ASIC2: variants seen among roughly 807,000 people sequenced by gnomAD.
ASIC2 encodes the protein acid sensing ion channel subunit 2.
ASIC2 carries 25 observed loss-of-function variants against 57.3 expected under a neutral mutation model. The ratio of observed to expected loss-of-function variants is 0.44; its 90% CI spans 0.32 to 0.61. The LOEUF is 0.61. ASIC2 is among the 20% of genes least tolerant of loss of function. ASIC2 has a pLI of 0.06. For missense variants in ASIC2, 641 were observed against 738.1 expected, an observed-to-expected ratio of 0.87 and a Z score of 1.52; for synonymous variants, 319 against 307.5, an observed-to-expected ratio of 1.04 and a Z score of -0.39.
chr17:33,897,970 T>A (rs925026826), intron 1 of ASIC2, among the ~76,000 whole-genome samples: 12 of 152,194 alleles, frequency 7.9e-5, no homozygotes, highest in African/African-American at 2.9e-4. Flanking sequence ...GAACTAGTTA[T>A]CCTCAAACTG....
At chr17:33,923,526 G>C (rs1915753580) in intron 1 of ASIC2, among the ~76,000 whole-genome samples, 1 of 152,224 alleles carries the variant, frequency 6.6e-6, no homozygotes, top group African/African-American at 2.4e-5. Flanking sequence ...GCTGAACTCA[G>C]AATGCACAGC....
chr17:33,126,813 A>G (rs1335014395), intron 1 of ASIC2, among the ~76,000 whole-genome samples: 1 of 147,792 alleles, frequency 6.8e-6, no homozygotes, highest in Non-Finnish European at 1.5e-5. Flanking sequence ...ATTGAGACTT[A>G]TGCCACATGT....
intron 1 of ASIC2, among the ~76,000 whole-genome samples, chr17:33,799,415 CTTTCTTTCTTTCTTCTTTCTT>C: frequency 1.5e-5 from 1 of 64,786 alleles, no homozygotes; most frequent in South Asian, 4.2e-4. Context: ...TTCTTTCTTT[CTTTCTTTCTTTCTTCTTTCTT>C]TCTTTCTTTC....
At chr17:34,044,100 T>TCACACACACACA (rs542633112) in intron 1 of ASIC2, among the ~76,000 whole-genome samples, 1 of 146,272 alleles carries the variant, frequency 6.8e-6, no homozygotes, top group African/African-American at 2.6e-5. Context: ...TACCCTTGAA[T>TCACACACACACA]CACACACACA....
chr17:33,720,725 A>G (rs984622148), intron 1 of ASIC2, among the ~76,000 whole-genome samples: 1 of 152,248 alleles, frequency 6.6e-6, no homozygotes, highest in African/African-American at 2.4e-5. Flanking sequence ...GCGGTTCAAT[A>G]AACATCCAAC....
intron 1 of ASIC2, among the ~76,000 whole-genome samples, chr17:33,632,161 T>A (rs975332455): frequency 6.6e-6 from 1 of 152,164 alleles, no homozygotes; most frequent in Non-Finnish European, 1.5e-5. Flanking sequence ...GATGATAATA[T>A]TTACCACAGA....
intron 1 of ASIC2, among the ~76,000 whole-genome samples, chr17:34,150,064 G>A (rs970801017): frequency 2.6e-5 from 4 of 152,184 alleles, no homozygotes; most frequent in Non-Finnish European, 4.4e-5. Flanking sequence ...CTTTAAAAAG[G>A]AAGAAAATCC....
At chr17:33,617,038 T>G (rs1040240208) in intron 1 of ASIC2, among the ~76,000 whole-genome samples, 6 of 152,216 alleles carry the variant, frequency 3.9e-5, no homozygotes, top group African/African-American at 1.4e-4. Context: ...GTTTAAAACA[T>G]TAAAGAGGCT....
chr17:33,802,187 A>G (rs999789626), intron 1 of ASIC2, among the ~76,000 whole-genome samples: 1 of 152,204 alleles, frequency 6.6e-6, no homozygotes, highest in Non-Finnish European at 1.5e-5. Flanking sequence ...ATGTTTAGAT[A>G]TGTTTTGATA....
At chr17:33,744,581 G>A (rs765222115) in intron 1 of ASIC2, among the ~76,000 whole-genome samples, 6 of 152,174 alleles carry the variant, frequency 3.9e-5, no homozygotes, top group Non-Finnish European at 7.3e-5. Flanking sequence ...GGAGTTGTGG[G>A]AGGGAAATCA....
chr17:34,056,703 A>AT (rs1462441173), intron 1 of ASIC2, among the ~76,000 whole-genome samples: 1 of 152,226 alleles, frequency 6.6e-6, no homozygotes, highest in Non-Finnish European at 1.5e-5. Flanking sequence ...AGGTCAATCT[A>AT]TATTATTTAC....
At chr17:33,693,732 T>C (rs1908444397) in intron 1 of ASIC2, among the ~76,000 whole-genome samples, 1 of 152,148 alleles carries the variant, frequency 6.6e-6, no homozygotes, top group African/African-American at 2.4e-5. Context: ...GGGGCGTACT[T>C]TGAGGGGCTA....
At chr17:33,457,666 T>A (rs1002392314) in intron 1 of ASIC2, among the ~76,000 whole-genome samples, 6 of 152,158 alleles carry the variant, frequency 3.9e-5, no homozygotes, top group African/African-American at 1.4e-4. Flanking sequence ...ATGGCAATGG[T>A]GGTGGTGGTG....
chr17:33,214,065 G>T (rs1395641262), intron 1 of ASIC2, among the ~76,000 whole-genome samples: 2 of 152,090 alleles, frequency 1.3e-5, no homozygotes, highest in Non-Finnish European at 2.9e-5. Context: ...GTGGGGTTAA[G>T]TTCTTGTCCA....
At chr17:33,370,698 G>T (rs755691581) in intron 1 of ASIC2, among the ~76,000 whole-genome samples, 20 of 152,204 alleles carry the variant, frequency 1.3e-4, no homozygotes, top group Admixed American at 2.0e-4. Context: ...GATTCCCACT[G>T]GGATTCTCTC....
chr17:33,524,639 G>A (rs1453302543), intron 1 of ASIC2, among the ~76,000 whole-genome samples: 1 of 152,180 alleles, frequency 6.6e-6, no homozygotes, highest in Non-Finnish European at 1.5e-5. Context: ...GCTTGGTGTG[G>A]CAGCTTAGCT....
intron 1 of ASIC2, among the ~76,000 whole-genome samples, chr17:33,582,163 C>G (rs554598986): frequency 2.0e-5 from 3 of 152,034 alleles, no homozygotes; most frequent in East Asian, 1.9e-4. Context: ...CAACAGCTGT[C>G]GAAAATGAAT....
At chr17:33,481,809 G>A (rs1383510188) in intron 1 of ASIC2, among the ~76,000 whole-genome samples, 1 of 152,162 alleles carries the variant, frequency 6.6e-6, no homozygotes, top group Non-Finnish European at 1.5e-5. Context: ...CCTTGAACGA[G>A]CTGCCTCAGC....
chr17:33,287,290 T>C (rs1425853887), intron 1 of ASIC2, among the ~76,000 whole-genome samples: 1 of 152,222 alleles, frequency 6.6e-6, no homozygotes, highest in Non-Finnish European at 1.5e-5. Flanking sequence ...CGCTGAGGTC[T>C]GCCTGGCACT....
Sources: allele counts gnomAD v4.1 joint callset (sites outside exome capture counted in the v4.1 genomes callset), GRCh38; gene constraint gnomAD v4.1.1; transcripts MANE v1.5; gene names NCBI Gene and HGNC (gene_info 2026-07-23, HGNC 2026-07-21).